The following SIPA1L1 variants were observed in gnomAD, a reference collection of about 807,000 sequenced individuals.
The protein encoded by SIPA1L1 is signal induced proliferation associated 1 like 1, also known as signal-induced proliferation-associated 1-like protein 1.
A neutral mutation model predicts 162.7 loss-of-function variants in SIPA1L1; 26 were observed. The observed-to-expected ratio is 0.16, with a 90% CI of 0.12 to 0.22. SIPA1L1 has a LOEUF of 0.22. Among genes scored for constraint, SIPA1L1 ranks in the 10% least tolerant of loss-of-function variants. The pLI is 1.00. For synonymous variants in SIPA1L1, 829 were observed against 837.4 expected, an observed-to-expected ratio of 0.99 and a Z score of 0.17; for missense variants, 1,874 against 2,241.0, an observed-to-expected ratio of 0.84 and a Z score of 3.31.
At chr14:71,693,766 A>G (rs1029740444) in intron 13 of SIPA1L1, among the ~76,000 whole-genome samples, 2 of 148,814 alleles carry the variant, frequency 1.3e-5, no homozygotes, top group African/African-American at 5.0e-5. Flanking sequence ...CCTAGTTGAT[A>G]TACATGGCTG....
chr14:71,379,875 T>C (rs1315363070), intron 2 of SIPA1L1, among the ~76,000 whole-genome samples: 9 of 152,250 alleles, frequency 5.9e-5, no homozygotes, highest in Admixed American at 5.9e-4. Context: ...TTTAATACCG[T>C]CTTTTTTTGT....
intron 2 of SIPA1L1, among the ~76,000 whole-genome samples, chr14:71,365,227 T>A (rs1036488423): frequency 1.3e-5 from 2 of 151,298 alleles, no homozygotes; most frequent in Non-Finnish European, 3.0e-5. Flanking sequence ...TTGCACAGGC[T>A]AGTCTTGAAC....
chr14:71,595,597 G>C (rs1282310284), intron 5 of SIPA1L1, among the ~76,000 whole-genome samples: 7 of 152,082 alleles, frequency 4.6e-5, no homozygotes, highest in African/African-American at 1.7e-4. Flanking sequence ...AAGATGATTA[G>C]CCTACATTTA....
At chr14:71,714,753 T>C (rs1162927233) in intron 17 of SIPA1L1, among the ~76,000 whole-genome samples, 3 of 152,140 alleles carry the variant, frequency 2.0e-5, no homozygotes, top group African/African-American at 7.2e-5. Flanking sequence ...AGCTAATTTT[T>C]AATATTTTTA....
intron 2 of SIPA1L1, among the ~76,000 whole-genome samples, chr14:71,325,176 A>C (rs546797962): frequency 5.3e-5 from 8 of 152,284 alleles, no homozygotes; most frequent in Non-Finnish European, 1.0e-4. Flanking sequence ...CTGACCTTCT[A>C]TCTGCTGCAC....
At chr14:71,592,091 TA>T (rs2035478246) in intron 5 of SIPA1L1, among the ~76,000 whole-genome samples, 1 of 152,202 alleles carries the variant, frequency 6.6e-6, no homozygotes, top group Non-Finnish European at 1.5e-5. Context: ...GATCACCCAC[TA>T]GACTGCTAGT....
At chr14:71,492,478 G>A (rs558537034) in intron 2 of SIPA1L1, among the ~76,000 whole-genome samples, 1 of 152,204 alleles carries the variant, frequency 6.6e-6, no homozygotes, top group South Asian at 2.1e-4. Flanking sequence ...TTAATAGTGT[G>A]GACATCTGTT....
chr14:71,588,075 C>G lies in SIPA1L1; in HGVS notation c.203C>G (p.Thr68Ser). 6.2e-7 allele frequency: 1 copy of G among 1,614,112 alleles called. No individual in the cohort carries two copies. Among genetic ancestry groups the G allele is most frequent in the South Asian group, 1.1e-5 (1 of 91,082 alleles). The part of the protein sequence containing the change: ...RSEGSHHITS[T>S]PGVPKMGVRA... ...GAAGGTTCTCACCATATAACCTCAA[C>G]CCCCGGAGTCCCAAAAATGGGGGTA... is the stretch of plus-strand genomic sequence containing the variant. The change falls in exon 5 of 24, where the codon ACC (threonine) becomes AGC (serine). Residue 68 changes from threonine to serine, a missense_variant. By Grantham distance (58) the Thr-to-Ser change is moderately conservative. This residue lies in a region of SIPA1L1 where 685 missense variants were observed against 828.0 expected (regional missense o/e 0.83). Transcript: ENST00000381232. This position sits in a 1 kb window ranked among gnomAD's most constrained non-coding sequence, Gnocchi z 4.3.
chr14:71,506,387 A>T (rs974520972), intron 2 of SIPA1L1, among the ~76,000 whole-genome samples: 3 of 152,066 alleles, frequency 2.0e-5, no homozygotes, highest in Admixed American at 6.6e-5. Flanking sequence ...TTTGCCTAGG[A>T]TGGAGTGCAG....
At chr14:71,600,850 TTTC>T (rs1359651273) in intron 5 of SIPA1L1, among the ~76,000 whole-genome samples, 1 of 152,170 alleles carries the variant, frequency 6.6e-6, no homozygotes, top group African/African-American at 2.4e-5. Context: ...TTTGTTTTTG[TTTC>T]TGTTGTAGAT....
intron 5 of SIPA1L1, among the ~76,000 whole-genome samples, chr14:71,610,009 T>G (rs1389632683): frequency 6.6e-6 from 1 of 152,228 alleles, no homozygotes; most frequent in East Asian, 1.9e-4. Context: ...ACGTGCTTCT[T>G]TCTTATTTCA....
chr14:71,643,796 G>T (rs1288105444), intron 7 of SIPA1L1, among the ~76,000 whole-genome samples: 6 of 152,156 alleles, frequency 3.9e-5, no homozygotes, highest in African/African-American at 1.2e-4. Flanking sequence ...TCAACAAGTG[G>T]TAGTTTTTGT....
At chr14:71,702,533 A>C (rs776784788) in intron 15 of SIPA1L1, 28 bp downstream of exon 15, 12 of 1,609,554 alleles carry the variant, frequency 7.5e-6, no homozygotes, top group Non-Finnish European at 1.0e-5. Context: ...ACAAGAAGAA[A>C]GTTGCTTTTA....
rs2047354228 is a variant in SIPA1L1, at chr14:71,470,334, G to A, written c.-464-42409G>A. Among the ~76,000 whole-genome samples, 3 of 152,168 alleles carry A rather than the reference G, an allele frequency of 2.0e-5. No homozygotes were observed. The South Asian group carries it at 6.2e-4, about 32-fold the overall frequency. ...AGCAATAGCTTGCTGTAGTGACTTT[G>A]GGATTTAGAATCTGGACAACCTCAC... On this transcript the variant is annotated intron_variant, in intron 2 of 23. Coordinates refer to ENST00000381232, the MANE Select transcript of SIPA1L1 (RefSeq NM_001386936.1).
At chr14:71,619,618 A>C (rs1438221912) in intron 6 of SIPA1L1, among the ~76,000 whole-genome samples, 2 of 152,054 alleles carry the variant, frequency 1.3e-5, no homozygotes, top group Non-Finnish European at 2.9e-5. Context: ...AACTTGTATA[A>C]TTGGGCCACT....
Position 71,702,128 on chromosome 14 carries a change from G to T in SIPA1L1, c.3522-253G>T, listed in dbSNP as rs1003720238. On this transcript the variant is annotated intron_variant, in intron 14 of 23. Transcript: ENST00000381232. ...ACCTTAGGTTAGCTCAGTCCTAATG[G>T]CTTCCGCCCTCATTGTTACAAGTTT... 2.0e-5 allele frequency among the ~76,000 whole-genome samples: 3 copies of T among 152,166 alleles called. No homozygotes were observed. In the East Asian group the frequency reaches 5.8e-4, roughly 29 times the overall value.
intron 2 of SIPA1L1, among the ~76,000 whole-genome samples, chr14:71,483,839 G>A (rs2048532617): frequency 1.3e-5 from 2 of 152,194 alleles, no homozygotes; most frequent in Admixed American, 1.3e-4. Context: ...ATCACTTCCT[G>A]CTTGGAACTA....
chr14:71,551,135 C>A (rs2055786848), intron 4 of SIPA1L1, among the ~76,000 whole-genome samples: 2 of 152,188 alleles, frequency 1.3e-5, no homozygotes, highest in Admixed American at 6.5e-5. Flanking sequence ...TAAATGACTT[C>A]TTTGCAAAGA....
intron 4 of SIPA1L1, among the ~76,000 whole-genome samples, chr14:71,557,934 C>A (rs960338248): frequency 2.4e-4 from 36 of 152,156 alleles, no homozygotes; most frequent in Non-Finnish European, 3.4e-4. Context: ...TGCTAACTTA[C>A]ATCGTAGGTA....
Sources: gnomAD v4.1 joint callset for allele counts (sites outside exome capture counted in the v4.1 genomes callset) on GRCh38, gnomAD v4.1.1 for gene constraint, gnomAD v4.1.1 regional missense constraint, Gnocchi (gnomAD v3.1) non-coding constraint, MANE v1.5 for transcripts, NCBI Gene and HGNC (gene_info 2026-07-23, HGNC 2026-07-21) for gene names.